Variants in ANKS1B observed in about 807,000 individuals in gnomAD.
ANKS1B encodes ankyrin repeat and sterile alpha motif domain containing 1B.
A neutral mutation model predicts 148.3 loss-of-function variants in ANKS1B; 36 were observed. That is an observed-to-expected ratio of 0.24 (90% CI 0.19 to 0.32). ANKS1B has a LOEUF of 0.32. ANKS1B is among the 10% of genes least tolerant of loss of function. The pLI is 1.00. For missense variants in ANKS1B, 1,157 were observed against 1,542.6 expected, an observed-to-expected ratio of 0.75 and a Z score of 4.19; for synonymous variants, 542 against 560.8, an observed-to-expected ratio of 0.97 and a Z score of 0.47.
At chr12:99,374,476 G>C (rs1173775162) in intron 12 of ANKS1B, among the ~76,000 whole-genome samples, 1 of 152,146 alleles carries the variant, frequency 6.6e-6, no homozygotes, top group African/African-American at 2.4e-5. Context: ...CCTGTCCAGG[G>C]TGCATTCCCA....
intron 12 of ANKS1B, among the ~76,000 whole-genome samples, chr12:99,377,261 C>T (rs1322733756): frequency 6.6e-6 from 1 of 152,138 alleles, no homozygotes; most frequent in Non-Finnish European, 1.5e-5. Context: ...CCGCCTCAGC[C>T]TCCCAAAGTG....
At chr12:99,191,448 A>G (rs981846440) in intron 14 of ANKS1B, among the ~76,000 whole-genome samples, 1 of 152,234 alleles carries the variant, frequency 6.6e-6, no homozygotes, top group Non-Finnish European at 1.5e-5. Context: ...ACCAACCCAA[A>G]TGCCCATCAA....
intron 17 of ANKS1B, among the ~76,000 whole-genome samples, chr12:98,840,865 A>G (rs1382292125): frequency 6.6e-6 from 1 of 152,202 alleles, no homozygotes; most frequent in African/African-American, 2.4e-5. Flanking sequence ...AATTTGGTTT[A>G]CATTGCTCAA....
chr12:99,388,770 A>G (rs1956144488), intron 12 of ANKS1B, among the ~76,000 whole-genome samples: 1 of 152,208 alleles, frequency 6.6e-6, no homozygotes, highest in Non-Finnish European at 1.5e-5. Flanking sequence ...GCTTCCTTGC[A>G]GCTGCAGAGC....
At chr12:99,573,136 G>T (rs1263633682) in intron 9 of ANKS1B, among the ~76,000 whole-genome samples, 1 of 152,028 alleles carries the variant, frequency 6.6e-6, no homozygotes, top group East Asian at 1.9e-4. Context: ...AATCATAATA[G>T]AAATGGAAAA....
At chr12:98,938,649 A>G (rs2099826691) in intron 17 of ANKS1B, among the ~76,000 whole-genome samples, 1 of 152,242 alleles carries the variant, frequency 6.6e-6, no homozygotes, top group Non-Finnish European at 1.5e-5. Context: ...GAAGACACAC[A>G]CACACAAATT....
Position 99,937,417 on chromosome 12 carries a change from A to G in ANKS1B, c.134+46687T>C, listed in dbSNP as rs7135601. Among the ~76,000 whole-genome samples the G allele has an allele frequency of 2.2e-3, 328 of 152,326 alleles. 1 individual carries two copies. Among genetic ancestry groups the G allele is most frequent in the African/African-American group, 7.6e-3 (316 of 41,576 alleles). On this transcript the variant is annotated intron_variant, in intron 1 of 26. Coordinates refer to ENST00000683438, the MANE Select transcript of ANKS1B (RefSeq NM_001352186.2). ...AATTAATATTTCTACAATGTTGAATATGATTATTTAGGAAAACAAGTCTCA... is the reference window on the plus strand; with the variant it reads ...AATTAATATTTCTACAATGTTGAATGTGATTATTTAGGAAAACAAGTCTCA...
intron 15 of ANKS1B, among the ~76,000 whole-genome samples, chr12:99,126,741 C>T (rs1176591580): frequency 6.6e-6 from 1 of 152,174 alleles, no homozygotes; most frequent in Non-Finnish European, 1.5e-5. Flanking sequence ...TGCTGTAAGA[C>T]TTTTAGAAAA....
chr12:99,837,189 C>T (rs898628561), intron 1 of ANKS1B, among the ~76,000 whole-genome samples: 2 of 152,102 alleles, frequency 1.3e-5, no homozygotes, highest in African/African-American at 2.4e-5. Context: ...AACCTAGAAA[C>T]GTAAGCAGCC....
chr12:99,247,008 G>T (rs1191742281), intron 12 of ANKS1B, 144 bp from the exon 13 acceptor site: 5 of 669,700 alleles, frequency 7.5e-6, no homozygotes, highest in African/African-American at 1.8e-5. Context: ...AAATACCCCT[G>T]ACCCCACAGT....
chr12:98,905,460 C>A (rs2099777682), intron 17 of ANKS1B, among the ~76,000 whole-genome samples: 1 of 152,078 alleles, frequency 6.6e-6, no homozygotes. Flanking sequence ...GGCGGAGGTG[C>A]TTTCAAGGAT....
chr12:98,882,359 A>G (rs2099710166), intron 17 of ANKS1B, among the ~76,000 whole-genome samples: 1 of 152,196 alleles, frequency 6.6e-6, no homozygotes, highest in African/African-American at 2.4e-5. Flanking sequence ...ATTTACATAG[A>G]CACCAAAGAG....
chr12:98,775,446 TTCTC>T (rs1051650853), intron 24 of ANKS1B, among the ~76,000 whole-genome samples: 10 of 151,428 alleles, frequency 6.6e-5, no homozygotes, highest in South Asian at 2.1e-4. Flanking sequence ...CTTCTTCTCT[TTCTC>T]TCTCTCTCTC....
intron 8 of ANKS1B, among the ~76,000 whole-genome samples, chr12:99,770,951 C>A: frequency 6.6e-6 from 1 of 152,118 alleles, no homozygotes; most frequent in South Asian, 2.1e-4. Flanking sequence ...ATTTCAAAAC[C>A]TTAACGCTCA....
intron 16 of ANKS1B, among the ~76,000 whole-genome samples, chr12:99,066,601 T>C (rs538351495): frequency 1.0e-3 from 154 of 152,258 alleles, no homozygotes; most frequent in African/African-American, 3.5e-3. Context: ...AGTTGTGACA[T>C]GATCTGGCTT....
At chr12:99,423,032 C>T (rs139477393) in intron 11 of ANKS1B, among the ~76,000 whole-genome samples, 1 of 152,056 alleles carries the variant, frequency 6.6e-6, no homozygotes, top group Non-Finnish European at 1.5e-5. Flanking sequence ...TTGATGACTT[C>T]CAGTTTCTCT....
chr12:99,569,809 C>G (rs913809852), intron 9 of ANKS1B, among the ~76,000 whole-genome samples: 1 of 152,158 alleles, frequency 6.6e-6, no homozygotes, highest in African/African-American at 2.4e-5. Context: ...GTTGAGCCAG[C>G]CTGCCAGTTC....
chr12:99,785,275 G>C (rs1448127009), intron 4 of ANKS1B, among the ~76,000 whole-genome samples: 1 of 150,638 alleles, frequency 6.6e-6, no homozygotes, highest in African/African-American at 2.4e-5. Flanking sequence ...GTGTGTGTGT[G>C]TGTGTGTCTG....
chr12:98,939,442 T>C (rs1183909673), intron 17 of ANKS1B, among the ~76,000 whole-genome samples: 1 of 152,224 alleles, frequency 6.6e-6, no homozygotes, highest in Non-Finnish European at 1.5e-5. Flanking sequence ...CCATTGGCCA[T>C]TGCGGTTAAT....
Sources: gnomAD v4.1 joint callset for allele counts (sites outside exome capture counted in the v4.1 genomes callset) on GRCh38, gnomAD v4.1.1 for gene constraint, MANE v1.5 for transcripts, NCBI Gene and HGNC (gene_info 2026-07-23, HGNC 2026-07-21) for gene names.